Variants in GALC observed in about 807,000 individuals in gnomAD.
GALC encodes galactocerebrosidase.
Under a neutral mutation model 91.8 loss-of-function variants are expected in GALC, and 77 were observed. That is an observed-to-expected ratio of 0.84 (90% CI 0.70 to 1.01). The LOEUF is 1.01. GALC is among the 50% of genes least tolerant of loss of function. GALC has a pLI of 0.00. For synonymous variants in GALC, 357 were observed against 306.7 expected (o/e 1.16, Z -1.71); for missense variants, 882 against 855.9 (o/e 1.03, Z -0.38).
chr14:87,968,919 A>G (rs187332624), intron 7 of GALC, among the ~76,000 whole-genome samples: 1 of 152,250 alleles, frequency 6.6e-6, no homozygotes, highest in East Asian at 1.9e-4. Context: ...GCAATAGTAA[A>G]CGAGTGAGGA....
chr14:87,961,860 C>A (rs1460360217), intron 10 of GALC, among the ~76,000 whole-genome samples: 1 of 152,130 alleles, frequency 6.6e-6, no homozygotes, highest in Non-Finnish European at 1.5e-5. Context: ...CGAGAGAAGA[C>A]AATTAAACAA....
intron 5 of GALC, 101 bp downstream of exon 5, chr14:87,984,293 T>C (rs781167827): frequency 5.3e-6 from 6 of 1,141,634 alleles, no homozygotes; most frequent in African/African-American, 1.6e-5. Flanking sequence ...ATTAGCCTCA[T>C]GGCATAAAAT....
chr14:87,948,999 AAGCTAAATAAG>A (rs1246699341), intron 12 of GALC, among the ~76,000 whole-genome samples: 1 of 152,036 alleles, frequency 6.6e-6, no homozygotes, highest in Non-Finnish European at 1.5e-5. Context: ...CTGGGATATA[AAGCTAAATAAG>A]GCAAGGCTCA....
Position 87,950,871 on chromosome 14 carries a change from T to C in GALC, c.1162-123A>G. 1.7e-5 allele frequency: 11 copies of C among 638,636 alleles called. 1 individual carries two copies. In the South Asian group the frequency reaches 2.0e-4, roughly 11 times the overall value. 39.6% of individuals were successfully genotyped at this position (638,636 alleles called of 1,614,324 possible). A position where few individuals can be genotyped will look rare whatever the true frequency, so the allele number is the denominator to read the frequency against. ...ACATATACTAGATAACAAATATGAG[T>C]TTATTTCACATTTTTAAAGACTTTT... On this transcript the variant is annotated intron_variant, in intron 10 of 16. Coordinates refer to ENST00000261304, the MANE Select transcript of GALC (RefSeq NM_000153.4).
chr14:87,944,756 T>TAGAC (rs973090437), intron 14 of GALC, among the ~76,000 whole-genome samples: 1 of 152,034 alleles, frequency 6.6e-6, no homozygotes, highest in East Asian at 1.9e-4. Flanking sequence ...GCACACTCCA[T>TAGAC]AGACAGGCAA....
rs1235127452 is a variant in GALC, at chr14:87,963,514, A to G, written c.1034-3T>C. On this transcript the variant is annotated splice_region_variant and splice_polypyrimidine_tract_variant and intron_variant, in intron 9 of 16. Transcript: ENST00000261304. ...TTGAGTAAACTGAGTGGTATGAGCT[A>G]TAGAAAAACAGAAAGTTCCAAATAA... 1.2e-6 allele frequency: 2 copies of G among 1,611,874 alleles called. No individual in the cohort carries two copies. The highest frequency in any genetic ancestry group is 8.5e-7 in the Non-Finnish European group (1 of 1,178,388).
rs191109948 is a variant in GALC at position 87,947,997 on chromosome 14, C to A, written c.1339-119G>T. 12 of 880,580 alleles carry A rather than the reference C, an allele frequency of 1.4e-5. 1 individual carries two copies. In the Middle Eastern group the frequency reaches 9.7e-4, roughly 71 times the overall value. 54.5% of individuals were successfully genotyped at this position (880,580 alleles called of 1,614,324 possible). Reference sequence around the variant, plus strand: ...TCCAAATCATTTCTGTTAGAACTTCCTAAACATTTGTGGAAAACTCACCAA... The same window carrying A: ...TCCAAATCATTTCTGTTAGAACTTCATAAACATTTGTGGAAAACTCACCAA... On this transcript the variant is annotated intron_variant, in intron 12 of 16. Transcript: ENST00000261304.
chr14:87,951,164 G>A (rs1488838026), intron 10 of GALC, among the ~76,000 whole-genome samples: 1 of 151,508 alleles, frequency 6.6e-6, no homozygotes, highest in African/African-American at 2.4e-5. Flanking sequence ...ATATATGTAT[G>A]GGTGTGTGTA....
intron 12 of GALC, among the ~76,000 whole-genome samples, chr14:87,948,657 A>G (rs903722371): frequency 7.1e-6 from 1 of 141,048 alleles, no homozygotes; most frequent in African/African-American, 2.6e-5. Context: ...TTAATGGTAA[A>G]TTGATGATCA....
In GALC at chr14:87,963,444, T is replaced by C; in HGVS notation, c.1101A>G (p.Gly367=). 1 of 1,613,300 alleles carries C rather than the reference T, an allele frequency of 6.2e-7. No homozygotes were observed. Among genetic ancestry groups the C allele is most frequent in the Non-Finnish European group, 8.5e-7 (1 of 1,179,344 alleles). The change falls in exon 10 of 17, where the codon GGA becomes GGG. Residue 367 remains glycine (G), a synonymous_variant. Coordinates refer to ENST00000261304, the MANE Select transcript of GALC (RefSeq NM_000153.4). ...YLKTVGHLEK[G]GSYVALTDGL... ...CATCAGTCAGAGCTACGTAGCTTCC[T>C]CCTTTCTCTAAATGGCCAACTGTCT...
chr14:87,990,871 G>C (rs2139764220), intron 1 of GALC, among the ~76,000 whole-genome samples: 1 of 152,296 alleles, frequency 6.6e-6, no homozygotes, highest in Non-Finnish European at 1.5e-5. Flanking sequence ...GCCTGGAACT[G>C]TTTACAGGCC....
At chr14:87,971,213 G>A (rs77148223) in intron 7 of GALC, among the ~76,000 whole-genome samples, 17,440 of 152,010 alleles carry the variant, frequency 0.11, 1,173 homozygotes, top group Non-Finnish European at 0.16. Flanking sequence ...CAGGAGCCTC[G>A]CAGCATCAGA....
chr14:87,989,169 G>A (rs115581814), intron 1 of GALC, among the ~76,000 whole-genome samples: 363 of 152,252 alleles, frequency 2.4e-3, no homozygotes, highest in African/African-American at 8.6e-3. Flanking sequence ...TCCTTTGGGA[G>A]GCAATATAAG....
Position 87,944,843 on chromosome 14 carries a change from G to A in GALC, c.1670+710C>T, listed in dbSNP as rs72629369. Among the ~76,000 whole-genome samples, 1,204 of 151,932 alleles carry A rather than the reference G, an allele frequency of 7.9e-3. 54 individuals carry two copies. The East Asian group carries it at 0.12, about 15-fold the overall frequency. On this transcript the variant is annotated intron_variant, in intron 14 of 16. Coordinates refer to ENST00000261304, the MANE Select transcript of GALC (RefSeq NM_000153.4). The stretch of plus-strand genomic sequence containing the variant: ...TCGGATATGGCTTTTTGGTGGCTTG[G>A]TATTACTAGTACTAGCTCTAAACCT...
intron 9 of GALC, among the ~76,000 whole-genome samples, chr14:87,964,711 T>C (rs1490784441): frequency 6.6e-6 from 1 of 152,152 alleles, no homozygotes; most frequent in Non-Finnish European, 1.5e-5. Context: ...GTAAATTATG[T>C]CTTGTCTGGT....
intron 6 of GALC, among the ~76,000 whole-genome samples, chr14:87,978,966 C>T (rs77768596): frequency 0.11 from 17,203 of 152,104 alleles, 1,142 homozygotes; most frequent in Non-Finnish European, 0.16. Flanking sequence ...AAAGAATATA[C>T]ATTCATTAAG....
chr14:87,965,422 G>A lies in GALC; in HGVS notation c.1033+83C>T. On this transcript the variant is annotated intron_variant, in intron 9 of 16. Coordinates refer to ENST00000261304, the MANE Select transcript of GALC (RefSeq NM_000153.4). ...TACTTAAAACACGCATAGACACACAGTTTATATAATCTTCTCTAAGTTTTT... is the reference window on the plus strand; with the variant it reads ...TACTTAAAACACGCATAGACACACAATTTATATAATCTTCTCTAAGTTTTT... The A allele has an allele frequency of 2.1e-6, 3 of 1,428,628 alleles. No homozygotes were observed. In the South Asian group the frequency reaches 3.4e-5, roughly 16 times the overall value. 88.5% of individuals were successfully genotyped at this position (1,428,628 alleles called of 1,614,324 possible).
At chr14:87,934,963 T>G in intron 16 of GALC, 85 bp from the exon 17 acceptor site, 2 of 944,668 alleles carry the variant, frequency 2.1e-6, no homozygotes, top group South Asian at 1.3e-5. Context: ...GGCCCACTAC[T>G]TAGTGGAGCA....
At chr14:87,992,679 C>G in intron 1 of GALC, 1 of 1,437,448 alleles carries the variant, frequency 7.0e-7, no homozygotes, top group Middle Eastern at 2.6e-4. Context: ...CCAGCCCCGG[C>G]TACTTCACTA....
Sources: allele counts gnomAD v4.1 joint callset (sites outside exome capture counted in the v4.1 genomes callset), GRCh38; gene constraint gnomAD v4.1.1; transcripts MANE v1.5; gene names NCBI Gene and HGNC (gene_info 2026-07-23, HGNC 2026-07-21).